Variants in TRPM7 observed in about 807,000 individuals in gnomAD.
TRPM7 encodes the protein LTRPC ion channel family member 7.
Under a neutral mutation model 229.7 loss-of-function variants are expected in TRPM7, and 134 were observed. That is an observed-to-expected ratio of 0.58 (90% confidence interval 0.51 to 0.67). The LOEUF (loss-of-function observed/expected upper bound fraction) is 0.67, where lower values mean the gene tolerates loss of function less well. Ranked by LOEUF, TRPM7 falls within the 30% of genes least tolerant of loss-of-function variation. The probability of loss-of-function intolerance (pLI) is 0.00; values close to 1 mark genes in which losing one functional copy is unlikely to be tolerated. For missense variants in TRPM7, 1,901 were observed against 2,210.0 expected, an observed-to-expected ratio of 0.86 and a Z score of 2.80; for synonymous variants, 699 against 715.2, an observed-to-expected ratio of 0.98 and a Z score of 0.36.
chr15:50,639,635 C>T lies in TRPM7; in HGVS notation c.536-87G>A, dbSNP rs551878669. 41 of 1,184,300 alleles carry T rather than the reference C, an allele frequency of 3.5e-5. 1 individual carries two copies. In the South Asian group the frequency reaches 6.1e-4, roughly 17 times the overall value. The allele number at this position is 1,184,300 out of a possible 1,614,324, so 73.4% of individuals were successfully genotyped here. A position where few individuals can be genotyped will look rare whatever the true frequency, so the allele number is the denominator to read the frequency against. ...AGGAAAGAGAGCAGTGGCGCAATGACAGCTCACTGCAGCCTCAAACTCCTG... is the reference window on the plus strand; with the variant it reads ...AGGAAAGAGAGCAGTGGCGCAATGATAGCTCACTGCAGCCTCAAACTCCTG... On this transcript the variant is annotated intron_variant, in intron 5 of 38. Coordinates refer to ENST00000646667, the MANE Select transcript of TRPM7 (RefSeq NM_017672.6).
intron 23 of TRPM7, among the ~76,000 whole-genome samples, chr15:50,595,603 G>A (rs1009498937): frequency 9.2e-5 from 14 of 152,118 alleles, no homozygotes; most frequent in Non-Finnish European, 1.8e-4. Flanking sequence ...GCTCATGCCT[G>A]TAATCCCAGC....
At position 50,560,763 on chromosome 15, in the gene TRPM7, A is replaced by G. The variant is rs2053278610; in HGVS notation, c.*915T>C. On this transcript the variant is annotated 3_prime_UTR_variant, in exon 39 of 39. Coordinates refer to ENST00000646667, the MANE Select transcript of TRPM7 (RefSeq NM_017672.6). ...TCCAACACAATTTTAAATATATGCA[A>G]GAGTTCATGTTTACATTCTGATTTG... is the stretch of plus-strand genomic sequence containing the variant. 1 of 152,652 alleles carries G rather than the reference A, an allele frequency of 6.6e-6. No individual in the cohort carries two copies. The highest frequency in any genetic ancestry group is 6.5e-5 in the Admixed American group (1 of 15,282). 9.5% of individuals were successfully genotyped at this position (152,652 alleles called of 1,614,324 possible).
At position 50,594,577 on chromosome 15, in the gene TRPM7, A is replaced by G; in HGVS notation, c.3327T>C (p.Ile1109=). ...VYLQVKAISN[I]VWKYQRYHFI... The stretch of plus-strand genomic sequence containing the variant: ...AATGATAACGCTGGTACTTCCATAC[A>G]ATATTGGAAATTGCCTTCACTTGTA... The change falls in exon 24 of 39, where the codon ATT becomes ATC. Residue 1109 remains isoleucine, a synonymous_variant. Coordinates refer to ENST00000646667, the MANE Select transcript of TRPM7 (RefSeq NM_017672.6). The G allele has an allele frequency of 6.2e-7, 1 of 1,606,368 alleles. No individual in the cohort carries two copies. The highest frequency in any genetic ancestry group is 8.5e-7 in the Non-Finnish European group (1 of 1,177,546).
intron 1 of TRPM7, among the ~76,000 whole-genome samples, chr15:50,683,848 C>T (rs751399831): frequency 2.6e-5 from 4 of 152,014 alleles, no homozygotes; most frequent in Non-Finnish European, 5.9e-5. Context: ...TGAGTATTGT[C>T]AAAGTATGAA....
chr15:50,649,141 A>G (rs1189758706), intron 3 of TRPM7, among the ~76,000 whole-genome samples: 2 of 152,206 alleles, frequency 1.3e-5, no homozygotes, highest in Non-Finnish European at 2.9e-5. Context: ...GCATAGGCAT[A>G]TAACAGAAAT....
intron 11 of TRPM7, 145 bp from the exon 12 acceptor site, chr15:50,624,445 T>C: frequency 1.6e-6 from 1 of 643,936 alleles, no homozygotes; most frequent in East Asian, 3.1e-5. Flanking sequence ...AGTAAAAAGC[T>C]AATAAGACTT....
intron 21 of TRPM7, among the ~76,000 whole-genome samples, chr15:50,603,507 G>A (rs913011078): frequency 1.8e-5 from 2 of 114,022 alleles, no homozygotes; most frequent in African/African-American, 3.4e-5. Flanking sequence ...ATTCCCCACC[G>A]TGTGTCCAAG....
chr15:50,683,437 TA>T (rs60201611), intron 1 of TRPM7, among the ~76,000 whole-genome samples: 3,345 of 143,754 alleles, frequency 0.023, 117 homozygotes, highest in African/African-American at 0.073. Context: ...TCTTAACATT[TA>T]AAAAAAAAAA....
rs768030576 is a variant in TRPM7 at position 50,574,984 on chromosome 15, T to C, written c.4887A>G (p.Val1629=). The C allele has an allele frequency of 9.9e-6, 16 of 1,614,032 alleles. 1 individual carries two copies. In the South Asian group the frequency reaches 1.8e-4, roughly 18 times the overall value. Residue 1629 remains valine, a synonymous_variant, in exon 34 of 39, where the codon GTA becomes GTG. Transcript: ENST00000646667. ...TATCATGTTCTGACCAGGTACACTG[T>C]ACTTTGACAGCTCTTCGTAAACCTC... is the stretch of plus-strand genomic sequence containing the variant. ...MGGGLRRAVK[V]QCTWSEHDIL...
chr15:50,653,887 T>C (rs1437037021), intron 3 of TRPM7, among the ~76,000 whole-genome samples: 4 of 151,962 alleles, frequency 2.6e-5, no homozygotes, highest in South Asian at 4.1e-4. Context: ...GTCCTAAAGG[T>C]CTGGAAGACA....
rs977326785 is a variant in TRPM7, at chr15:50,631,432, T to G, written c.1189A>C (p.Thr397Pro). The change falls in exon 10 of 39, where the codon ACT (threonine) becomes CCT (proline). Residue 397 changes from threonine to proline, a missense_variant. Coordinates refer to ENST00000646667, the MANE Select transcript of TRPM7 (RefSeq NM_017672.6). ...AGAGGCTTACCTTTTAGCAGTGCAG[T>G]AAGTATTGCTACATCTATATCTTGA... ...EHQDIDVAIL[T>P]ALLKGTNASA... The G allele has an allele frequency of 6.2e-7, 1 of 1,608,642 alleles. No homozygotes were observed. The highest frequency in any genetic ancestry group is 8.5e-7 in the Non-Finnish European group (1 of 1,176,412).
chr15:50,561,691 C>T lies in TRPM7; in HGVS notation c.5585G>A (p.Arg1862His), dbSNP rs367983137. 92 of 1,609,186 alleles carry T rather than the reference C, an allele frequency of 5.7e-5. No homozygotes were observed. Among genetic ancestry groups the T allele is most frequent in the Middle Eastern group, 1.7e-4 (1 of 5,982 alleles). ...GTAATATTAATATTATAACATCAGA[C>T]GAACAGAATTAGTTGATTCTGATTC... ...TKESESTNSV[R>H]LML The change falls in exon 39 of 39, where the codon CGT becomes CAT. Residue 1862 changes from arginine to histidine, a missense_variant. Coordinates refer to ENST00000646667, the MANE Select transcript of TRPM7 (RefSeq NM_017672.6).
Position 50,597,313 on chromosome 15 carries a change from T to C in TRPM7, c.3164-932A>G, listed in dbSNP as rs1398198124. ...AATTAGGCAGGGCGAGGATTAGAAT[T>C]AAATAATGATGAATTAGTGATAAGT... On this transcript the variant is annotated intron_variant, in intron 22 of 38. Coordinates refer to ENST00000646667, the MANE Select transcript of TRPM7 (RefSeq NM_017672.6). Among the ~76,000 whole-genome samples the C allele has an allele frequency of 2.0e-5, 3 of 152,206 alleles. No homozygotes were observed. The East Asian group carries it at 5.8e-4, about 29-fold the overall frequency.
intron 38 of TRPM7, among the ~76,000 whole-genome samples, chr15:50,567,721 C>T (rs1313307660): frequency 6.6e-6 from 1 of 151,964 alleles, no homozygotes; most frequent in Non-Finnish European, 1.5e-5. Context: ...AGAAAAACCA[C>T]ATGATCATAC....
At chr15:50,594,344 T>A in intron 24 of TRPM7, 85 bp downstream of exon 24, 3 of 1,272,576 alleles carry the variant, frequency 2.4e-6, no homozygotes, top group Non-Finnish European at 2.2e-6. Context: ...ACTAAGTCAT[T>A]TTTGAATAAA....
At chr15:50,636,439 C>A (rs1361010321) in intron 7 of TRPM7, among the ~76,000 whole-genome samples, 1 of 152,174 alleles carries the variant, frequency 6.6e-6, no homozygotes, top group East Asian at 1.9e-4. Flanking sequence ...GATCCACCCA[C>A]CTCGGCCTCC....
chr15:50,608,067 A>AAG (rs1555412562), intron 19 of TRPM7, among the ~76,000 whole-genome samples: 5 of 150,570 alleles, frequency 3.3e-5, no homozygotes, highest in African/African-American at 2.4e-5. Context: ...AAAAAAAAAA[A>AAG]AAAGAAAGAA....
intron 38 of TRPM7, among the ~76,000 whole-genome samples, chr15:50,565,133 C>T (rs1384087352): frequency 8.6e-5 from 13 of 151,962 alleles, no homozygotes; most frequent in East Asian, 5.8e-4. Context: ...AGGCACCCAC[C>T]ACCACGCCCA....
Position 50,686,763 on chromosome 15 carries a change from C to G in TRPM7, c.-230G>C, listed in dbSNP as rs1315346653. The G allele has an allele frequency of 2.0e-6, 1 of 490,778 alleles. No homozygotes were observed. The highest frequency in any genetic ancestry group is 2.0e-5 in the African/African-American group (1 of 48,886). 30.4% of individuals were successfully genotyped at this position (490,778 alleles called of 1,614,324 possible). The stretch of plus-strand genomic sequence containing the variant: ...CGGGTGACTGGCCACAGGGACGCGC[C>G]CGCGCCCGCCTCCGCCGGCGACGGG... On this transcript the variant is annotated 5_prime_UTR_variant, in exon 1 of 39. Coordinates refer to ENST00000646667, the MANE Select transcript of TRPM7 (RefSeq NM_017672.6).
Sources: gnomAD v4.1 joint callset for allele counts (sites outside exome capture counted in the v4.1 genomes callset) on GRCh38, gnomAD v4.1.1 for gene constraint, MANE v1.5 for transcripts, NCBI Gene and HGNC (gene_info 2026-07-23, HGNC 2026-07-21) for gene names.